Variants in SULT4A1 observed in about 807,000 individuals in gnomAD.
The protein encoded by SULT4A1 is sulfotransferase family 4A member 1, also known as sulfotransferase 4A1.
Under a neutral mutation model 35.2 loss-of-function variants are expected in SULT4A1, and 11 were observed. The ratio of observed to expected loss-of-function variants is 0.31; its 90% CI spans 0.20 to 0.52. SULT4A1 has a LOEUF of 0.52. Among genes scored for constraint, SULT4A1 ranks in the 20% least tolerant of loss-of-function variants. The probability of loss-of-function intolerance (pLI) is 0.97; values close to 1 mark genes in which losing one functional copy is unlikely to be tolerated. For missense variants in SULT4A1, 271 were observed against 383.7 expected, an observed-to-expected ratio of 0.71 and a Z score of 2.45; for synonymous variants, 152 against 151.8, an observed-to-expected ratio of 1.00 and a Z score of -0.01.
chr22:43,843,695 C>G (rs1025723895), intron 1 of SULT4A1, among the ~76,000 whole-genome samples: 4 of 152,252 alleles, frequency 2.6e-5, no homozygotes, highest in Admixed American at 6.5e-5. Context: ...TGGAGGGTGG[C>G]TTGCCCAGAG....
At position 43,840,007 on chromosome 22, in the gene SULT4A1, G is replaced by A. The variant is rs778336831; in HGVS notation, c.319C>T (p.Leu107Phe). Reference sequence around the variant, plus strand: ...CGGTAGGGCAGGTGGCTCTTGATGAGGCGGGGAGAGGTCAGTTCCTGCGTG... The same window carrying A: ...CGGTAGGGCAGGTGGCTCTTGATGAAGCGGGGAGAGGTCAGTTCCTGCGTG... ...DIIKELTSPR[L>F]IKSHLPYRFL... The change falls in exon 3 of 7, where the codon CTC becomes TTC. Residue 107 changes from leucine to phenylalanine, a missense_variant. Around this residue, in one of 3 missense-constraint regions of SULT4A1, gnomAD observed 164 missense variants for 254.1 expected, o/e 0.65. Transcript: ENST00000330884. 1 of 1,605,780 alleles carries A rather than the reference G, an allele frequency of 6.2e-7. No individual in the cohort carries two copies. The highest frequency in any genetic ancestry group is 8.5e-7 in the Non-Finnish European group (1 of 1,176,478).
At chr22:43,836,739 G>A (rs920232990) in intron 4 of SULT4A1, among the ~76,000 whole-genome samples, 2 of 150,524 alleles carry the variant, frequency 1.3e-5, no homozygotes, top group African/African-American at 4.9e-5. Context: ...TCCTCACACT[G>A]CAGGTGCCAC....
intron 1 of SULT4A1, among the ~76,000 whole-genome samples, chr22:43,852,721 C>T (rs2285161): frequency 0.2 from 30,631 of 151,094 alleles, 3,711 homozygotes; most frequent in East Asian, 0.47. Flanking sequence ...CAGAGCACGA[C>T]GGGAAGCTCT....
At chr22:43,845,284 T>G (rs2063466688) in intron 1 of SULT4A1, among the ~76,000 whole-genome samples, 1 of 151,258 alleles carries the variant, frequency 6.6e-6, no homozygotes, top group Non-Finnish European at 1.5e-5. Context: ...CCTCCACACA[T>G]CAGCCTCCGG....
At chr22:43,839,115 G>T in intron 3 of SULT4A1, 122 bp from the exon 4 acceptor site, 1 of 1,319,728 alleles carries the variant, frequency 7.6e-7, no homozygotes, top group Non-Finnish European at 1.1e-6. Flanking sequence ...TGCTTCCAGC[G>T]TCCAGCTGGG....
intron 1 of SULT4A1, among the ~76,000 whole-genome samples, chr22:43,858,083 A>G (rs1003560647): frequency 1.3e-5 from 2 of 151,284 alleles, no homozygotes; most frequent in African/African-American, 4.8e-5. Context: ...GAAAGAAAAA[A>G]AAAGAAAGAA....
chr22:43,856,594 G>A (rs144558585), intron 1 of SULT4A1, among the ~76,000 whole-genome samples: 2 of 152,306 alleles, frequency 1.3e-5, no homozygotes, highest in East Asian at 3.9e-4. Flanking sequence ...CTGGCACAGG[G>A]GCAAGAGTGT....
chr22:43,837,867 C>G (rs1479696625), intron 4 of SULT4A1, among the ~76,000 whole-genome samples: 1 of 152,210 alleles, frequency 6.6e-6, no homozygotes, highest in South Asian at 2.1e-4. Context: ...CACATAAGCC[C>G]CCTGCAGAGC....
At chr22:43,826,863 G>T in intron 6 of SULT4A1, 1 of 985,426 alleles carries the variant, frequency 1.0e-6, no homozygotes, top group Non-Finnish European at 1.2e-6. Flanking sequence ...AGCTGCTCTA[G>T]CCCAGGCTTA....
At chr22:43,845,517 TGCCGTCGGGTGTGTCCA>T (rs796472880) in intron 1 of SULT4A1, among the ~76,000 whole-genome samples, 20 of 152,136 alleles carry the variant, frequency 1.3e-4, no homozygotes, top group African/African-American at 4.8e-4. Flanking sequence ...CCGCCGACCC[TGCCGTCGGGTGTGTCCA>T]GAGCTGACCC....
In SULT4A1 at chr22:43,862,310, C is replaced by T; in HGVS notation, c.73G>A (p.Val25Met). ...CCGCGGCAGAAGGGCGGCAGCCGCA[C>T]GCCATGGAACTCGAAGTACTTGCTC... ...FESKYFEFHG[V>M]RLPPFCRGKM... The change falls in exon 1 of 7, where the codon GTG (valine) becomes ATG (methionine). Residue 25 changes from valine (V) to methionine (M), a missense_variant. By Grantham distance (21) the Val-to-Met change is conservative. Transcript: ENST00000330884. 6.4e-7 allele frequency: 1 copy of T among 1,562,170 alleles called. No individual in the cohort carries two copies. The highest frequency in any genetic ancestry group is 1.1e-5 in the South Asian group (1 of 87,466).
intron 3 of SULT4A1, 121 bp downstream of exon 3, chr22:43,839,824 C>G: frequency 4.4e-6 from 4 of 913,246 alleles, no homozygotes; most frequent in Non-Finnish European, 3.5e-6. Flanking sequence ...CGTGTGGGCT[C>G]CTTGGGAAGA....
intron 6 of SULT4A1, chr22:43,827,618 C>A: frequency 1.5e-6 from 2 of 1,366,504 alleles, no homozygotes; most frequent in South Asian, 1.1e-5. Flanking sequence ...TCAAGAAGAT[C>A]TTCCGAGCAA....
In SULT4A1 at chr22:43,834,391, C is replaced by G. The variant is rs1464742211; in HGVS notation, c.509-657G>C. ...CGCGGCCCTGAGCTTCCCGCGCCCC[C>G]ACCGCTGCCCTGAGCTTCCCGCAGC... On this transcript the variant is annotated intron_variant, in intron 4 of 6. Coordinates refer to ENST00000330884, the MANE Select transcript of SULT4A1 (RefSeq NM_014351.4). Among the ~76,000 whole-genome samples, 5 of 91,386 alleles carry G rather than the reference C, an allele frequency of 5.5e-5. 1 individual carries two copies. The highest frequency in any genetic ancestry group is 2.4e-4 in the African/African-American group (5 of 20,834). 60.0% of individuals were successfully genotyped at this position (91,386 alleles called of 152,430 possible).
chr22:43,850,050 C>T (rs899495937), intron 1 of SULT4A1, among the ~76,000 whole-genome samples: 1 of 152,182 alleles, frequency 6.6e-6, no homozygotes, highest in Admixed American at 6.5e-5. Flanking sequence ...CTCCAGCACT[C>T]GTGTACTCCA....
At chr22:43,845,821 C>G (rs553812139) in intron 1 of SULT4A1, among the ~76,000 whole-genome samples, 1 of 152,264 alleles carries the variant, frequency 6.6e-6, no homozygotes, top group East Asian at 1.9e-4. Flanking sequence ...TGCGAGGGAT[C>G]TGGGCTATGT....
At chr22:43,829,944 A>C (rs2063314031) in intron 5 of SULT4A1, among the ~76,000 whole-genome samples, 1 of 152,242 alleles carries the variant, frequency 6.6e-6, no homozygotes, top group Non-Finnish European at 1.5e-5. Context: ...TCCTACAGTG[A>C]AAAGATGATT....
At chr22:43,827,782 C>CACACAT (rs57934792) in intron 6 of SULT4A1, 21 of 437,040 alleles carry the variant, frequency 4.8e-5, no homozygotes, top group African/African-American at 4.2e-4. Flanking sequence ...CACACACACA[C>CACACAT]GTGAACCAAA....
At chr22:43,855,857 T>C (rs998704884) in intron 1 of SULT4A1, among the ~76,000 whole-genome samples, 1 of 152,152 alleles carries the variant, frequency 6.6e-6, no homozygotes, top group African/African-American at 2.4e-5. Context: ...TCAACCAAGA[T>C]GGGCCCTTCC....
Sources: gnomAD v4.1 joint callset for allele counts (sites outside exome capture counted in the v4.1 genomes callset) on GRCh38, gnomAD v4.1.1 for gene constraint, gnomAD v4.1.1 regional missense constraint, MANE v1.5 for transcripts, NCBI Gene and HGNC (gene_info 2026-07-23, HGNC 2026-07-21) for gene names.